PRR16: variants seen among roughly 807,000 people sequenced by gnomAD.
The protein encoded by PRR16 is proline rich 16.
In PRR16, 6 loss-of-function variants were observed where a neutral mutation model predicts 18.2. The ratio of observed to expected loss-of-function variants is 0.33; its 90% CI spans 0.18 to 0.65. The LOEUF is 0.65. Ranked by LOEUF, PRR16 falls within the 30% of genes least tolerant of loss-of-function variation. The probability of loss-of-function intolerance (pLI) is 0.74; values close to 1 mark genes in which losing one functional copy is unlikely to be tolerated. For synonymous variants in PRR16, 151 were observed against 147.8 expected, an observed-to-expected ratio of 1.02 and a Z score of -0.16; for missense variants, 412 against 376.6, an observed-to-expected ratio of 1.09 and a Z score of -0.78.
intron 1 of PRR16, among the ~76,000 whole-genome samples, chr5:120,496,458 A>G (rs1454081415): frequency 6.6e-6 from 1 of 151,954 alleles, no homozygotes; most frequent in African/African-American, 2.4e-5. Flanking sequence ...CAAGGAACTG[A>G]TGTATTAAAT....
At chr5:120,756,119 C>T in the PRR16 span, among the ~76,000 whole-genome samples, 1 of 151,968 alleles carries the variant, frequency 6.6e-6, no homozygotes, top group African/African-American at 2.4e-5. Flanking sequence ...CCTGAGGGAA[C>T]CAATCAGAGA....
chr5:120,740,006 T>G, the PRR16 span, among the ~76,000 whole-genome samples: 3 of 152,144 alleles, frequency 2.0e-5, no homozygotes, highest in African/African-American at 7.2e-5. Context: ...GCTTAAATGG[T>G]TATATTATAA....
At chr5:120,668,248 T>C (rs1245777061) in intron 1 of PRR16, among the ~76,000 whole-genome samples, 1 of 151,300 alleles carries the variant, frequency 6.6e-6, no homozygotes, top group East Asian at 1.9e-4. Flanking sequence ...TGGTTTAAAG[T>C]CTGTTTTATC....
At chr5:120,746,859 A>G in the PRR16 span, among the ~76,000 whole-genome samples, 1 of 152,188 alleles carries the variant, frequency 6.6e-6, no homozygotes, top group Admixed American at 6.6e-5. Context: ...AAAACAAATT[A>G]TGTTCTCTTC....
chr5:120,555,393 C>T (rs564036657), intron 1 of PRR16, among the ~76,000 whole-genome samples: 5 of 152,080 alleles, frequency 3.3e-5, no homozygotes, highest in African/African-American at 9.6e-5. Flanking sequence ...ATTTATTTCT[C>T]TGCTCTGGAG....
intron 1 of PRR16, among the ~76,000 whole-genome samples, chr5:120,665,919 T>A (rs1756357708): frequency 6.6e-6 from 1 of 152,126 alleles, no homozygotes; most frequent in Non-Finnish European, 1.5e-5. Flanking sequence ...TCTTTTGGCT[T>A]AGGATTGACT....
chr5:120,707,743 G>T, the PRR16 span, among the ~76,000 whole-genome samples: 1 of 152,158 alleles, frequency 6.6e-6, no homozygotes, highest in Non-Finnish European at 1.5e-5. Context: ...AGGGGAAGAA[G>T]AAAAGAACAA....
At chr5:120,502,778 T>C (rs1181797033) in intron 1 of PRR16, among the ~76,000 whole-genome samples, 1 of 152,208 alleles carries the variant, frequency 6.6e-6, no homozygotes, top group Non-Finnish European at 1.5e-5. Flanking sequence ...CTAATAAAAA[T>C]GAGTAATAGA....
chr5:120,616,272 A>G (rs1232711838), intron 1 of PRR16, among the ~76,000 whole-genome samples: 3 of 152,168 alleles, frequency 2.0e-5, no homozygotes, highest in Admixed American at 6.5e-5. Context: ...GCATGTTACC[A>G]AAGTGTAAGG....
intron 1 of PRR16, among the ~76,000 whole-genome samples, chr5:120,576,292 T>C (rs932466917): frequency 6.6e-6 from 1 of 151,870 alleles, no homozygotes; most frequent in Non-Finnish European, 1.5e-5. Context: ...TATAAAAGAC[T>C]CAAACAACTC....
At chr5:120,747,330 T>G in the PRR16 span, among the ~76,000 whole-genome samples, 2 of 152,310 alleles carry the variant, frequency 1.3e-5, no homozygotes, top group African/African-American at 2.4e-5. Context: ...ATTTTTTACC[T>G]TTTTAGTTAA....
At chr5:120,578,597 A>G (rs1462898308) in intron 1 of PRR16, among the ~76,000 whole-genome samples, 2 of 152,160 alleles carry the variant, frequency 1.3e-5, no homozygotes. Flanking sequence ...TTATGGCTAC[A>G]TAGTATTCCA....
chr5:120,650,767 GA>G (rs1420636706), intron 1 of PRR16, among the ~76,000 whole-genome samples: 1 of 152,060 alleles, frequency 6.6e-6, no homozygotes, highest in African/African-American at 2.4e-5. Context: ...TTGCTGTTGT[GA>G]ATAGTGCCAC....
intron 1 of PRR16, among the ~76,000 whole-genome samples, chr5:120,673,218 T>C (rs547222413): frequency 1.3e-5 from 2 of 152,372 alleles, no homozygotes; most frequent in African/African-American, 4.8e-5. Context: ...TGTGATGCTT[T>C]AGTATCACTT....
At chr5:120,520,203 C>T (rs1284931786) in intron 1 of PRR16, among the ~76,000 whole-genome samples, 1 of 152,066 alleles carries the variant, frequency 6.6e-6, no homozygotes, top group African/African-American at 2.4e-5. Flanking sequence ...CGAGACCAGT[C>T]TGGCCACATA....
chr5:120,683,977 G>A (rs1378923888), intron 1 of PRR16, among the ~76,000 whole-genome samples: 6 of 150,970 alleles, frequency 4.0e-5, no homozygotes, highest in African/African-American at 1.5e-4. Flanking sequence ...AAAAAGCAAA[G>A]TGGCTTTGGA....
intron 1 of PRR16, among the ~76,000 whole-genome samples, chr5:120,501,908 A>T (rs1018932671): frequency 2.8e-5 from 4 of 144,344 alleles, no homozygotes; most frequent in African/African-American, 1.0e-4. Context: ...GTGAGCCGAG[A>T]TCGCGCCACT....
At chr5:120,503,959 G>T (rs1750556057) in intron 1 of PRR16, among the ~76,000 whole-genome samples, 1 of 152,028 alleles carries the variant, frequency 6.6e-6, no homozygotes. Context: ...TCCCTACAAA[G>T]GCCATGAACT....
chr5:120,508,990 T>C (rs1212417681), intron 1 of PRR16, among the ~76,000 whole-genome samples: 1 of 152,100 alleles, frequency 6.6e-6, no homozygotes, highest in Non-Finnish European at 1.5e-5. Context: ...ATAATTTGCT[T>C]AGTCAAATAA....
Sources: gnomAD v4.1 joint callset for allele counts (sites outside exome capture counted in the v4.1 genomes callset) on GRCh38, gnomAD v4.1.1 for gene constraint, MANE v1.5 for transcripts, NCBI Gene and HGNC (gene_info 2026-07-23, HGNC 2026-07-21) for gene names.